Variants in POU6F1 observed in about 807,000 individuals in gnomAD.
The protein encoded by POU6F1 is POU class 6 homeobox 1.
A neutral mutation model predicts 28.9 loss-of-function variants in POU6F1; 9 were observed. The ratio of observed to expected loss-of-function variants is 0.31; its 90% confidence interval spans 0.19 to 0.54. POU6F1 has a LOEUF of 0.54. POU6F1 is among the 20% of genes least tolerant of loss of function. POU6F1 has a pLI of 0.94. For missense variants in POU6F1, 338 were observed against 426.1 expected, an observed-to-expected ratio of 0.79 and a Z score of 1.82; for synonymous variants, 173 against 171.1, an observed-to-expected ratio of 1.01 and a Z score of -0.09.
At chr12:51,194,580 C>T (rs1057358764) in intron 8 of POU6F1, among the ~76,000 whole-genome samples, 5 of 148,802 alleles carry the variant, frequency 3.4e-5, no homozygotes, top group African/African-American at 7.5e-5. Context: ...GCAGAGGTTG[C>T]AGTGAGCCAA....
At chr12:51,201,587 A>C (rs1943212936) in intron 3 of POU6F1, 1 of 152,178 alleles carries the variant, frequency 6.6e-6, no homozygotes, top group Admixed American at 6.5e-5. Flanking sequence ...ACATGTGAAA[A>C]TTTTAAAAAC....
At chr12:51,193,297 G>GA (rs948767188) in intron 8 of POU6F1, among the ~76,000 whole-genome samples, 1 of 152,200 alleles carries the variant, frequency 6.6e-6, no homozygotes, top group African/African-American at 2.4e-5. Flanking sequence ...AGCCCTAAGT[G>GA]AAAAATGTGG....
intron 1 of POU6F1, among the ~76,000 whole-genome samples, chr12:51,207,883 ATGG>A (rs1269582499): frequency 2.0e-5 from 3 of 152,178 alleles, no homozygotes; most frequent in African/African-American, 7.2e-5. Context: ...GACATCCCAG[ATGG>A]TGGAACAGCC....
rs1265177128 is a variant in POU6F1, at chr12:51,189,349, C to G, written c.*898G>C. The G allele has an allele frequency of 1.3e-5, 2 of 152,090 alleles. No individual in the cohort carries two copies. Among genetic ancestry groups the G allele is most frequent in the Non-Finnish European group, 2.9e-5 (2 of 68,030 alleles). The allele number at this position is 152,090 out of a possible 1,614,324, so 9.4% of individuals were successfully genotyped here. A position where few individuals can be genotyped will look rare whatever the true frequency, so the allele number is the denominator to read the frequency against. ...TCAGCATTCCTTTCCTTATTTTTCT[C>G]CAGAGTTGCCCGTTTGCTTGCATAT... On this transcript the variant is annotated 3_prime_UTR_variant, in exon 11 of 11. Transcript: ENST00000333640.
At chr12:51,196,765 TC>T in intron 7 of POU6F1, 33 bp downstream of exon 7, 1 of 1,612,496 alleles carries the variant, frequency 6.2e-7, no homozygotes, top group Non-Finnish European at 8.5e-7. Flanking sequence ...CTCTCCACAG[TC>T]CCCACCCTCC....
Position 51,196,025 on chromosome 12 carries a change from G to A in POU6F1, c.1124C>T (p.Pro375Leu), listed in dbSNP as rs986746671. 5 of 1,610,826 alleles carry A rather than the reference G, an allele frequency of 3.1e-6. No homozygotes were observed. The African/African-American group carries it at 5.4e-5, about 17-fold the overall frequency. Residue 375 changes from proline to leucine, a missense_variant, in exon 8 of 11, where the codon CCT (proline) becomes CTT (leucine). This residue lies in a region of POU6F1 where 206 missense variants were observed against 225.6 expected (regional missense o/e 0.91). Transcript: ENST00000333640. ...TGGCTTCCGGACAGCCACAGGTGGA[G>A]GCAGGGGGCTGCTAGCCAGGGTCGC... ...VIATLASSPL[P>L]PPVAVRKPST...
chr12:51,202,551 G>A (rs1261781963), intron 3 of POU6F1: 2 of 152,032 alleles, frequency 1.3e-5, no homozygotes, highest in Admixed American at 6.6e-5. Flanking sequence ...GGCTGATTTC[G>A]AACTCCTGAT....
At chr12:51,192,282 A>G in intron 9 of POU6F1, 48 bp downstream of exon 9, 1 of 1,600,178 alleles carries the variant, frequency 6.2e-7, no homozygotes, top group Non-Finnish European at 8.5e-7. Context: ...GGGTGCCCAC[A>G]TAAATGCCTC....
intron 1 of POU6F1, among the ~76,000 whole-genome samples, chr12:51,215,857 T>C (rs150676794): frequency 6.6e-6 from 1 of 152,244 alleles, no homozygotes; most frequent in Non-Finnish European, 1.5e-5. Flanking sequence ...AGTAACCACC[T>C]CATGGGTTAT....
At chr12:51,216,953 G>T (rs941389239) in intron 1 of POU6F1, among the ~76,000 whole-genome samples, 1 of 152,132 alleles carries the variant, frequency 6.6e-6, no homozygotes, top group Non-Finnish European at 1.5e-5. Context: ...GCCTTGCCAG[G>T]TGAGCCTGCC....
chr12:51,190,101 G>A lies in POU6F1; in HGVS notation c.*146C>T. On this transcript the variant is annotated 3_prime_UTR_variant, in exon 11 of 11. Transcript: ENST00000333640. This position sits in a 1 kb window ranked among gnomAD's most constrained non-coding sequence, Gnocchi z 4.5. ...ATGTGTGGGAGAAAAGAGGGACATT[G>A]ATGCACATGCACACGGTGGAGTCTG... The A allele has an allele frequency of 7.4e-7, 1 of 1,350,824 alleles. No homozygotes were observed. Among genetic ancestry groups the A allele is most frequent in the Non-Finnish European group, 9.8e-7 (1 of 1,017,832 alleles). 83.7% of individuals were successfully genotyped at this position (1,350,824 alleles called of 1,614,324 possible). A position where few individuals can be genotyped will look rare whatever the true frequency, so the allele number is the denominator to read the frequency against.
At chr12:51,214,734 T>TG (rs1189811818) in intron 1 of POU6F1, among the ~76,000 whole-genome samples, 1 of 151,848 alleles carries the variant, frequency 6.6e-6, no homozygotes, top group Non-Finnish European at 1.5e-5. Context: ...GGTCAGGAGT[T>TG]GGAGGGCAGC....
In POU6F1 at chr12:51,187,326, T is replaced by C. The variant is rs1201457920; in HGVS notation, c.*2921A>G. On this transcript the variant is annotated 3_prime_UTR_variant, in exon 11 of 11. Coordinates refer to ENST00000333640, the MANE Select transcript of POU6F1 (RefSeq NM_001330422.2). ...CAAAACTCCACACAGTTAAACCATT[T>C]CTGTCCATTCTCCTCTCTTTCCATA... 6.6e-6 allele frequency: 1 copy of C among 152,190 alleles called. No homozygotes were observed. Among genetic ancestry groups the C allele is most frequent in the Non-Finnish European group, 1.5e-5 (1 of 68,038 alleles). 9.4% of individuals were successfully genotyped at this position (152,190 alleles called of 1,614,324 possible).
intron 9 of POU6F1, 143 bp from the exon 10 acceptor site, chr12:51,191,907 C>T: frequency 9.5e-7 from 1 of 1,047,270 alleles, no homozygotes; most frequent in Non-Finnish European, 1.4e-6. Context: ...CTCTTATCAC[C>T]TTTGTCCCCA....
In POU6F1 at chr12:51,197,236, G is replaced by A. The variant is rs554933648; in HGVS notation, c.847-309C>T. Among the ~76,000 whole-genome samples, 227 of 151,696 alleles carry A rather than the reference G, an allele frequency of 1.5e-3. No homozygotes were observed. In the Middle Eastern group the frequency reaches 0.027, roughly 18 times the overall value. ...GGCTGGATGGTTTCCAGGGCTAGGG[G>A]TCTACCGGCTGGATGGTTTCCAGGG... On this transcript the variant is annotated intron_variant, in intron 6 of 10. Transcript: ENST00000333640.
chr12:51,216,463 C>T (rs1415728687), intron 1 of POU6F1, among the ~76,000 whole-genome samples: 1 of 152,218 alleles, frequency 6.6e-6, no homozygotes, highest in Non-Finnish European at 1.5e-5. Context: ...AGAATAAAAA[C>T]TCCATGATAG....
At chr12:51,215,537 C>T (rs1307029308) in intron 1 of POU6F1, among the ~76,000 whole-genome samples, 1 of 118,564 alleles carries the variant, frequency 8.4e-6, no homozygotes, top group Non-Finnish European at 1.6e-5. Flanking sequence ...GACTGAGCGA[C>T]AGAGTGAAAC....
intron 7 of POU6F1, among the ~76,000 whole-genome samples, chr12:51,196,567 C>G (rs1329745559): frequency 6.6e-6 from 1 of 152,244 alleles, no homozygotes; most frequent in Non-Finnish European, 1.5e-5. Context: ...CTGACCACAG[C>G]ATGGGTGCTC....
In POU6F1 at chr12:51,195,871, A is replaced by T. The variant is rs887146847; in HGVS notation, c.1179+99T>A. 16 of 1,318,474 alleles carry T rather than the reference A, an allele frequency of 1.2e-5. No individual in the cohort carries two copies. The African/African-American group carries it at 2.1e-4, about 17-fold the overall frequency. 81.7% of individuals were successfully genotyped at this position (1,318,474 alleles called of 1,614,324 possible). Reference sequence around the variant, plus strand: ...TTAGGAAGCGCCCTGCACTCCCAGGAGTTTCAGAAGATGCTGTCCTGCCTG... The same window carrying T: ...TTAGGAAGCGCCCTGCACTCCCAGGTGTTTCAGAAGATGCTGTCCTGCCTG... On this transcript the variant is annotated intron_variant, in intron 8 of 10. Transcript: ENST00000333640.
Sources: gnomAD v4.1 joint callset for allele counts (sites outside exome capture counted in the v4.1 genomes callset) on GRCh38, gnomAD v4.1.1 for gene constraint, gnomAD v4.1.1 regional missense constraint, Gnocchi (gnomAD v3.1) non-coding constraint, MANE v1.5 for transcripts, NCBI Gene and HGNC (gene_info 2026-07-23, HGNC 2026-07-21) for gene names.